The following VPS51 variants were observed in gnomAD, a reference collection of about 807,000 sequenced individuals.
The protein encoded by VPS51 is vacuolar protein sorting-associated protein 51 homolog.
A neutral mutation model predicts 65.1 loss-of-function variants in VPS51; 55 were observed. The ratio of observed to expected loss-of-function variants is 0.84; its 90% CI spans 0.68 to 1.06. The LOEUF is 1.06. Ranked by LOEUF, VPS51 falls within the 50% of genes least tolerant of loss-of-function variation. The pLI is 0.00. For synonymous variants in VPS51, 473 were observed against 489.5 expected (o/e 0.97, Z 0.44); for missense variants, 943 against 1,101.6 (o/e 0.86, Z 2.04).
rs539336277 is a variant in VPS51, at chr11:65,110,625, C to A, written c.2000+22C>A. 1.9e-6 allele frequency: 3 copies of A among 1,614,098 alleles called. No homozygotes were observed. The Admixed American group carries it at 5.0e-5, about 27-fold the overall frequency. On this transcript the variant is annotated intron_variant, in intron 8 of 9. Coordinates refer to ENST00000279281, the MANE Select transcript of VPS51 (RefSeq NM_013265.4). ...CCAGGTCTGGCTGGTCAGGGGAGCCCCAGGGGGAAGGGACAAAAGAGGGCG... is the reference window on the plus strand; with the variant it reads ...CCAGGTCTGGCTGGTCAGGGGAGCCACAGGGGGAAGGGACAAAAGAGGGCG...
Position 65,107,435 on chromosome 11 carries a change from A to G in VPS51, c.359-146A>G, listed in dbSNP as rs1947849607. Reference sequence around the variant, plus strand: ...CCCGCCCCCATGTGCGCTGTGACCCACGCCCTCGCAGTCCTTTCTCTGGAA... The same window carrying G: ...CCCGCCCCCATGTGCGCTGTGACCCGCGCCCTCGCAGTCCTTTCTCTGGAA... On this transcript the variant is annotated intron_variant, in intron 2 of 9. Coordinates refer to ENST00000279281, the MANE Select transcript of VPS51 (RefSeq NM_013265.4). The surrounding 1 kb of genome is among the most constrained non-coding windows in gnomAD (Gnocchi z 4.0). 9.5e-6 allele frequency: 9 copies of G among 950,462 alleles called. No homozygotes were observed. Among genetic ancestry groups the G allele is most frequent in the Non-Finnish European group, 1.4e-5 (9 of 650,250 alleles). 58.9% of individuals were successfully genotyped at this position (950,462 alleles called of 1,614,324 possible).
chr11:65,103,362 CCTTT>C (rs1947821827), intron 2 of VPS51, among the ~76,000 whole-genome samples: 1 of 152,216 alleles, frequency 6.6e-6, no homozygotes, highest in South Asian at 2.1e-4. Context: ...TAGTAACCTT[CCTTT>C]CTATGAAATC....
Position 65,108,221 on chromosome 11 carries a change from G to T in VPS51, c.750G>T (p.Glu250Asp), listed in dbSNP as rs773946601. The change falls in exon 5 of 10, where the codon GAG becomes GAT. Residue 250 changes from glutamate to aspartate, a missense_variant. Transcript: ENST00000279281. ...RFREGGSGAP[E>D]QAECVELLLA... Reference sequence around the variant, plus strand: ...GGGAGGGCGGCTCAGGCGCCCCGGAGCAGGCAGAGTGCGTGGAGCTGCTGC... The same window carrying T: ...GGGAGGGCGGCTCAGGCGCCCCGGATCAGGCAGAGTGCGTGGAGCTGCTGC... 6 of 1,600,104 alleles carry T rather than the reference G, an allele frequency of 3.7e-6. No individual in the cohort carries two copies. The highest frequency in any genetic ancestry group is 5.1e-6 in the Non-Finnish European group (6 of 1,175,750).
At chr11:65,109,011 T>C (rs1042291138) in intron 5 of VPS51, 97 bp downstream of exon 5, 1 of 1,410,324 alleles carries the variant, frequency 7.1e-7, no homozygotes. Flanking sequence ...CCAGGCACTC[T>C]GGGTGTGGTT....
At chr11:65,100,735 G>A (rs1947802776) in intron 2 of VPS51, among the ~76,000 whole-genome samples, 1 of 151,694 alleles carries the variant, frequency 6.6e-6, no homozygotes, top group Admixed American at 6.6e-5. Flanking sequence ...TACTAGAGAC[G>A]GGATTCCACC....
chr11:65,105,907 G>A (rs190225717), intron 2 of VPS51, among the ~76,000 whole-genome samples: 22 of 152,348 alleles, frequency 1.4e-4, no homozygotes, highest in African/African-American at 4.8e-4. Flanking sequence ...TGCATAGGGC[G>A]AGGTGTAGGA....
intron 4 of VPS51, 69 bp from the exon 5 acceptor site, chr11:65,108,128 T>C: frequency 6.4e-7 from 1 of 1,557,114 alleles, no homozygotes; most frequent in East Asian, 2.3e-5. Context: ...GTGTGTGCTT[T>C]GCTTTCCTGC....
intron 2 of VPS51, among the ~76,000 whole-genome samples, chr11:65,099,799 AAAAT>A (rs913610678): frequency 1.2e-4 from 19 of 152,226 alleles, no homozygotes; most frequent in Middle Eastern, 3.4e-3. Context: ...CTAGTCTCAA[AAAAT>A]AAATAAATAA....
At chr11:65,111,184 C>T (rs759100216) in intron 9 of VPS51, 143 bp from the exon 10 acceptor site, 2 of 1,238,578 alleles carry the variant, frequency 1.6e-6, no homozygotes, top group Non-Finnish European at 2.3e-6. Context: ...TATTGTATCC[C>T]TCCCTTCTTA....
At chr11:65,096,725 T>C in intron 1 of VPS51, 1 of 639,574 alleles carries the variant, frequency 1.6e-6, no homozygotes, top group East Asian at 2.7e-5. Flanking sequence ...AGGCCCGGAA[T>C]TGGGGGCGTG....
Position 65,110,796 on chromosome 11 carries a change from G to A in VPS51, c.2088+15G>A. ...AGTTCAACAAGGTCCGACTTCCAAC[G>A]TGACTCAGACTTCCAGGGATCCCGG... On this transcript the variant is annotated intron_variant, in intron 9 of 9. Coordinates refer to ENST00000279281, the MANE Select transcript of VPS51 (RefSeq NM_013265.4). 1 of 1,614,044 alleles carries A rather than the reference G, an allele frequency of 6.2e-7. No homozygotes were observed. The highest frequency in any genetic ancestry group is 8.5e-7 in the Non-Finnish European group (1 of 1,179,976).
intron 2 of VPS51, among the ~76,000 whole-genome samples, chr11:65,101,149 G>A (rs902415124): frequency 6.6e-6 from 1 of 152,116 alleles, no homozygotes; most frequent in African/African-American, 2.4e-5. Flanking sequence ...AGGGTTACAG[G>A]GTTTCTTTAG....
rs200666496 is a variant in VPS51 at position 65,107,867 on chromosome 11, C to T, written c.570C>T (p.Cys190=). 65 of 1,551,620 alleles carry T rather than the reference C, an allele frequency of 4.2e-5. No individual in the cohort carries two copies. The highest frequency in any genetic ancestry group is 5.2e-5 in the Non-Finnish European group (60 of 1,148,810). Residue 190 remains cysteine, a synonymous_variant, in exon 4 of 10, where the codon TGC becomes TGT. Transcript: ENST00000279281. The surrounding 1 kb of genome is among the most constrained non-coding windows in gnomAD (Gnocchi z 4.0). Reference sequence around the variant, plus strand: ...AGCTGCCCTCGCGCCTCACCAAGTGCGTGGAACTGGGCGCCTATGGGCAGG... The same window carrying T: ...AGCTGCCCTCGCGCCTCACCAAGTGTGTGGAACTGGGCGCCTATGGGCAGG... The part of the protein sequence containing the change: ...LFELPSRLTK[C]VELGAYGQAV...
chr11:65,096,394 G>C lies in VPS51; in HGVS notation c.144G>C (p.Ala48=). 6.5e-7 allele frequency: 1 copy of C among 1,532,838 alleles called. No individual in the cohort carries two copies. Among genetic ancestry groups the C allele is most frequent in the African/African-American group, 1.4e-5 (1 of 70,404 alleles). 95.0% of individuals were successfully genotyped at this position (1,532,838 alleles called of 1,614,324 possible). A position where few individuals can be genotyped will look rare whatever the true frequency, so the allele number is the denominator to read the frequency against. The change falls in exon 1 of 10, where the codon GCG becomes GCC. Residue 48 remains alanine (A), a synonymous_variant. Transcript: ENST00000279281. ...ACTACGGCCTCTCGGAAGGGGAGGC[G>C]GCGGGACGCCCCGCGGGGCCCGACC... ...KLYYGLSEGE[A]AGRPAGPDPL...
chr11:65,096,627 C>T, intron 1 of VPS51, 149 bp downstream of exon 1: 2 of 724,832 alleles, frequency 2.8e-6, no homozygotes, highest in South Asian at 2.0e-5. Flanking sequence ...CCAGGGAGTA[C>T]GAGCAGCTGA....
At position 65,096,375 on chromosome 11, in the gene VPS51, G is replaced by C. The variant is rs1319997959; in HGVS notation, c.125G>C (p.Gly42Ala). 3.9e-6 allele frequency: 6 copies of C among 1,534,874 alleles called. No individual in the cohort carries two copies. The Admixed American group carries it at 1.4e-4, about 36-fold the overall frequency. The change falls in exon 1 of 10, where the codon GGC becomes GCC. Residue 42 changes from glycine to alanine, a missense_variant. By Grantham distance (60) the Gly-to-Ala change is moderately conservative. Coordinates refer to ENST00000279281, the MANE Select transcript of VPS51 (RefSeq NM_013265.4). ...KAHGMLKLYY[G>A]LSEGEAAGRP... ...CACGGGATGCTGAAGCTTTACTACG[G>C]CCTCTCGGAAGGGGAGGCGGCGGGA...
At position 65,111,376 on chromosome 11, in the gene VPS51, AGT is replaced by A; in HGVS notation, c.2144_2145del (p.Val715AlafsTer61). On this transcript the variant is annotated frameshift_variant, in exon 10 of 10. Transcript: ENST00000279281. LOFTEE classifies it high-confidence loss of function. ...AAGATCAGCCTGAAGACGCTGCTGG[AGT>A]GTGTGCGGCTGCGCACCTTTGGGCG... The A allele has an allele frequency of 6.2e-7, 1 of 1,611,500 alleles. No individual in the cohort carries two copies. The highest frequency in any genetic ancestry group is 8.5e-7 in the Non-Finnish European group (1 of 1,180,000).
At position 65,108,890 on chromosome 11, in the gene VPS51, C is replaced by G. The variant is rs778140195; in HGVS notation, c.1419C>G (p.Ser473=). The stretch of plus-strand genomic sequence containing the variant: ...ACCTTTTCACCGCCAAAGAGGTGTC[C>G]TTCTCCAACAAGCCCTACTTCCGGG... The part of the protein sequence containing the change: ...AVHLFTAKEV[S]FSNKPYFRGE... The change falls in exon 5 of 10, where the codon TCC becomes TCG. Residue 473 remains serine, a synonymous_variant. Coordinates refer to ENST00000279281, the MANE Select transcript of VPS51 (RefSeq NM_013265.4). 1.9e-6 allele frequency: 3 copies of G among 1,612,912 alleles called. No individual in the cohort carries two copies. The African/African-American group carries it at 4.0e-5, about 22-fold the overall frequency.
At chr11:65,099,845 A>G (rs906737921) in intron 2 of VPS51, among the ~76,000 whole-genome samples, 3 of 152,096 alleles carry the variant, frequency 2.0e-5, no homozygotes, top group Non-Finnish European at 4.4e-5. Context: ...GCTTATGCCT[A>G]TAATCTTAGC....
Sources: allele counts gnomAD v4.1 joint callset (sites outside exome capture counted in the v4.1 genomes callset), GRCh38; gene constraint gnomAD v4.1.1; non-coding constraint Gnocchi (gnomAD v3.1); transcripts MANE v1.5; gene names NCBI Gene and HGNC (gene_info 2026-07-23, HGNC 2026-07-21).